Variants in MMP26 observed in about 807,000 individuals in gnomAD.
The protein encoded by MMP26 is matrix metallopeptidase 26, also known as matrix metalloproteinase-26.
In MMP26, 33 loss-of-function variants were observed where a neutral mutation model predicts 31.0. That is an observed-to-expected ratio of 1.06 (90% CI 0.81 to 1.42). The LOEUF (loss-of-function observed/expected upper bound fraction) is 1.42, where lower values mean the gene tolerates loss of function less well. Among genes scored for constraint, MMP26 ranks in the 40% most tolerant of loss-of-function variants. MMP26 has a pLI of 0.00. For synonymous variants in MMP26, 122 were observed against 114.9 expected, an observed-to-expected ratio of 1.06 and a Z score of -0.40; for missense variants, 347 against 316.1, an observed-to-expected ratio of 1.10 and a Z score of -0.74.
At chr11:4,943,295 T>A (rs1361946298) in intron 2 of MMP26, 1 of 293,832 alleles carries the variant, frequency 3.4e-6, no homozygotes, top group Middle Eastern at 1.3e-3. Context: ...TACACTTTCA[T>A]GTGTGATTAA....
chr11:4,825,222 AG>A (rs1309687466), intron 2 of MMP26, among the ~76,000 whole-genome samples: 1 of 152,180 alleles, frequency 6.6e-6, no homozygotes, highest in African/African-American at 2.4e-5. Context: ...AATATTCAAA[AG>A]TCTCAAGATT....
intron 1 of MMP26, among the ~76,000 whole-genome samples, chr11:4,721,681 A>G (rs753184935): frequency 1.3e-5 from 2 of 152,022 alleles, no homozygotes; most frequent in Non-Finnish European, 2.9e-5. Context: ...CATTATTTTC[A>G]CTGTCATCTT....
At chr11:4,837,820 C>T (rs555780496) in intron 2 of MMP26, among the ~76,000 whole-genome samples, 20 of 151,902 alleles carry the variant, frequency 1.3e-4, no homozygotes, top group Non-Finnish European at 2.4e-4. Flanking sequence ...GAAAGAGAGA[C>T]AGTTTTCTGC....
At position 4,850,902 on chromosome 11, in the gene MMP26, TTA is replaced by T. The variant is rs1470943224; in HGVS notation, c.-145+83563_-145+83564del. Among the ~76,000 whole-genome samples the T allele has an allele frequency of 7.4e-5, 11 of 149,362 alleles. No homozygotes were observed. The East Asian group carries it at 2.2e-3, about 29-fold the overall frequency. ...TTCCAAATACATATGTTATAAAATA[TTA>T]TGTTAAATTTTTTAATAAAATATAA... On this transcript the variant is annotated intron_variant, in intron 2 of 7. Coordinates refer to ENST00000380390, the MANE Select transcript of MMP26 (RefSeq NM_021801.5).
chr11:4,897,103 C>T (rs1292775355), intron 2 of MMP26, among the ~76,000 whole-genome samples: 1 of 146,940 alleles, frequency 6.8e-6, no homozygotes, highest in East Asian at 3.1e-4. Flanking sequence ...TATGTATACA[C>T]ACACACACAC....
chr11:4,842,506 C>G (rs79235868), intron 2 of MMP26, among the ~76,000 whole-genome samples: 7 of 152,092 alleles, frequency 4.6e-5, no homozygotes, highest in African/African-American at 7.2e-5. Flanking sequence ...GGGAGAGAGA[C>G]AGAGTGAAGA....
At chr11:4,879,428 G>A (rs1259271642) in intron 2 of MMP26, among the ~76,000 whole-genome samples, 1 of 152,072 alleles carries the variant, frequency 6.6e-6, no homozygotes, top group Non-Finnish European at 1.5e-5. Flanking sequence ...AGATATGAGT[G>A]GAAACAGTTG....
At chr11:4,714,920 T>TCACACA (rs66913726) in intron 1 of MMP26, among the ~76,000 whole-genome samples, 399 of 141,780 alleles carry the variant, frequency 2.8e-3, no homozygotes, top group Middle Eastern at 7.0e-3. Flanking sequence ...TCTCTCTCTC[T>TCACACA]CACACACACA....
At position 4,714,903 on chromosome 11, in the gene MMP26, C is replaced by G. The variant is rs76380971; in HGVS notation, c.-217+9858C>G. 4.4e-3 allele frequency among the ~76,000 whole-genome samples: 489 copies of G among 111,054 alleles called. 2 individuals are homozygous for G. The highest frequency in any genetic ancestry group is 0.011 in the Middle Eastern group (2 of 190). The allele number at this position is 111,054 out of a possible 152,430, so 72.9% of individuals were successfully genotyped here. A position where few individuals can be genotyped will look rare whatever the true frequency, so the allele number is the denominator to read the frequency against. On this transcript the variant is annotated intron_variant, in intron 1 of 7. Transcript: ENST00000380390. ...CTTCCATCAGTAAAACCCCAAATCT[C>G]TCTCTCTCTCTCTCTCTCACACACA...
intron 2 of MMP26, among the ~76,000 whole-genome samples, chr11:4,898,050 C>T (rs1322331014): frequency 2.0e-5 from 3 of 150,548 alleles, no homozygotes; most frequent in Non-Finnish European, 4.4e-5. Flanking sequence ...CAGTTTCCTC[C>T]TTGTATTATT....
intron 2 of MMP26, among the ~76,000 whole-genome samples, chr11:4,918,692 A>C (rs1851135554): frequency 6.6e-6 from 1 of 152,186 alleles, no homozygotes; most frequent in African/African-American, 2.4e-5. Flanking sequence ...TCAGCAAGAT[A>C]GACTTAATCC....
intron 1 of MMP26, chr11:4,718,648 A>G (rs1458149888): frequency 6.5e-6 from 1 of 154,592 alleles, no homozygotes; most frequent in African/African-American, 2.4e-5. Flanking sequence ...CACTTCCATC[A>G]TTTTCCTGCT....
At chr11:4,850,145 T>C (rs1849955304) in intron 2 of MMP26, among the ~76,000 whole-genome samples, 1 of 152,214 alleles carries the variant, frequency 6.6e-6, no homozygotes, top group Non-Finnish European at 1.5e-5. Flanking sequence ...CTCTTTATTT[T>C]CCTAAGTGGT....
chr11:4,706,226 CTTTTA>C (rs1387182346), intron 1 of MMP26, among the ~76,000 whole-genome samples: 1 of 151,926 alleles, frequency 6.6e-6, no homozygotes, highest in African/African-American at 2.4e-5. Flanking sequence ...TTGGGTTTTT[CTTTTA>C]TGTTTTATTT....
intron 2 of MMP26, among the ~76,000 whole-genome samples, chr11:4,843,426 C>T (rs1849823235): frequency 6.6e-6 from 1 of 152,230 alleles, no homozygotes; most frequent in Non-Finnish European, 1.5e-5. Context: ...GCCTTCTGTA[C>T]ACCCACAGGC....
chr11:4,981,338 C>T (rs1038035635), intron 2 of MMP26, among the ~76,000 whole-genome samples: 7 of 151,860 alleles, frequency 4.6e-5, no homozygotes, highest in African/African-American at 1.7e-4. Flanking sequence ...TTACACAAAC[C>T]GAGATGGCAT....
intron 2 of MMP26, 51 bp downstream of exon 2, chr11:4,767,392 T>C (rs898841464): frequency 6.6e-6 from 1 of 152,152 alleles, no homozygotes; most frequent in African/African-American, 2.4e-5. Context: ...AGTCCATTAT[T>C]TCATGACTTT....
At chr11:4,897,361 A>G (rs933239415) in intron 2 of MMP26, among the ~76,000 whole-genome samples, 11 of 152,292 alleles carry the variant, frequency 7.2e-5, no homozygotes, top group African/African-American at 2.4e-4. Context: ...GATGGTCTCC[A>G]TCTCCTGACC....
intron 2 of MMP26, among the ~76,000 whole-genome samples, chr11:4,896,219 A>G (rs1290357269): frequency 1.3e-5 from 2 of 152,084 alleles, no homozygotes; most frequent in African/African-American, 4.8e-5. Flanking sequence ...TTATGGTCCT[A>G]TTTTACTTAC....
Sources: gnomAD v4.1 joint callset for allele counts (sites outside exome capture counted in the v4.1 genomes callset) on GRCh38, gnomAD v4.1.1 for gene constraint, MANE v1.5 for transcripts, NCBI Gene and HGNC (gene_info 2026-07-23, HGNC 2026-07-21) for gene names.